Variants in SMPD3 observed in about 807,000 individuals in gnomAD.
SMPD3 encodes the protein nSMase-2.
In SMPD3, 21 loss-of-function variants were observed where a neutral mutation model predicts 55.7. The ratio of observed to expected loss-of-function variants is 0.38; its 90% CI spans 0.27 to 0.54. The LOEUF (loss-of-function observed/expected upper bound fraction) is 0.54. Ranked by LOEUF, SMPD3 falls within the 20% of genes least tolerant of loss-of-function variation. The pLI is 0.80. For synonymous variants in SMPD3, 457 were observed against 404.3 expected (o/e 1.13, Z -1.56); for missense variants, 842 against 899.6 (o/e 0.94, Z 0.82).
At chr16:68,365,236 G>GGGTCCGA in intron 3 of SMPD3, 144 bp from the exon 4 acceptor site, 2 of 764,174 alleles carry the variant, frequency 2.6e-6, no homozygotes, top group Non-Finnish European at 4.3e-6. Flanking sequence ...AGTAGGGACA[G>GGGTCCGA]GATGTGTCCT....
chr16:68,364,754 A>G lies in SMPD3; in HGVS notation c.1552T>C (p.Ser518Pro). ...GTGGGGAGGAGCCCGGCCTCACCAG[A>G]GGAGCAGTTATCAAAGTTGAAATCT... ...CGDFNFDNCS[S>P]DDKLEQQHSL... is the part of the protein sequence containing the mutation. Residue 518 changes from serine (S) to proline (P), a missense_variant, in exon 5 of 9, where the codon TCT becomes CCT. By Grantham distance (74) the Ser-to-Pro change is moderately conservative (BLOSUM62 -1). Around this residue, in one of 2 missense-constraint regions of SMPD3, gnomAD observed 649 missense variants for 643.6 expected, o/e 1.01. Coordinates refer to ENST00000219334, the MANE Select transcript of SMPD3 (RefSeq NM_018667.4). The G allele has an allele frequency of 6.2e-7, 1 of 1,612,874 alleles. No homozygotes were observed.
At chr16:68,367,007 C>CAAAA (rs35797796) in intron 3 of SMPD3, among the ~76,000 whole-genome samples, 12 of 129,512 alleles carry the variant, frequency 9.3e-5, no homozygotes, top group African/African-American at 3.1e-4. Flanking sequence ...GACTCTGTCT[C>CAAAA]AAAAAAAAAA....
intron 1 of SMPD3, among the ~76,000 whole-genome samples, chr16:68,421,512 G>C (rs1277009638): frequency 1.3e-5 from 2 of 152,200 alleles, no homozygotes; most frequent in Non-Finnish European, 2.9e-5. Flanking sequence ...ATGAGCCAGG[G>C]GGACAGACTT....
chr16:68,379,109 A>G (rs1357199534), intron 2 of SMPD3, among the ~76,000 whole-genome samples: 4 of 152,226 alleles, frequency 2.6e-5, no homozygotes, highest in Non-Finnish European at 5.9e-5. Context: ...ATGCGATTCT[A>G]TCAGGTCCTC....
At chr16:68,413,709 C>T (rs1041825823) in intron 1 of SMPD3, among the ~76,000 whole-genome samples, 1 of 152,290 alleles carries the variant, frequency 6.6e-6, no homozygotes, top group Middle Eastern at 3.4e-3. Flanking sequence ...TAATAATCCC[C>T]TCTCCACTCT....
In SMPD3 at chr16:68,360,349, A is replaced by T. The variant is rs77666316; in HGVS notation, c.*857T>A. 2 of 28,218 alleles carry T rather than the reference A, an allele frequency of 7.1e-5. No individual in the cohort carries two copies. Among genetic ancestry groups the T allele is most frequent in the Admixed American group, 8.7e-4 (2 of 2,298 alleles). The allele number at this position is 28,218 out of a possible 1,614,324, so 1.7% of individuals were successfully genotyped here. A position where few individuals can be genotyped will look rare whatever the true frequency, so the allele number is the denominator to read the frequency against. Reference sequence around the variant, plus strand: ...TATGCTGTGAGTCCCTTCTTCCTGTAAAAAAAAAAGTGGATACTCTCTTCT... The same window carrying T: ...TATGCTGTGAGTCCCTTCTTCCTGTTAAAAAAAAAGTGGATACTCTCTTCT... On this transcript the variant is annotated 3_prime_UTR_variant, in exon 9 of 9. Transcript: ENST00000219334.
At position 68,361,318 on chromosome 16, in the gene SMPD3, T is replaced by C. The variant is rs746727776; in HGVS notation, c.1867-11A>G. ...GAATTCTTCCACCTCCTGGGGTGAG[T>C]GGGAGAGGGGAGAAACAGCCTGGTC... On this transcript the variant is annotated splice_polypyrimidine_tract_variant and intron_variant, in intron 8 of 8. Transcript: ENST00000219334. 1 of 1,604,754 alleles carries C rather than the reference T, an allele frequency of 6.2e-7. No homozygotes were observed. Among genetic ancestry groups the C allele is most frequent in the Non-Finnish European group, 8.5e-7 (1 of 1,175,684 alleles).
intron 1 of SMPD3, among the ~76,000 whole-genome samples, chr16:68,403,072 G>A (rs762987218): frequency 1.2e-4 from 19 of 152,308 alleles, no homozygotes; most frequent in Non-Finnish European, 1.6e-4. Flanking sequence ...CTACAGTAAC[G>A]CTCTGATTTT....
At chr16:68,448,298 ACGCCTCGGTT>A (rs2090626153) in intron 1 of SMPD3, 45 bp downstream of exon 1, 1 of 152,294 alleles carries the variant, frequency 6.6e-6, no homozygotes, top group Admixed American at 6.6e-5. Flanking sequence ...CCAGCCCCTC[ACGCCTCGGTT>A]CGCCCGCTCC....
At chr16:68,407,617 G>A (rs2090264783) in intron 1 of SMPD3, among the ~76,000 whole-genome samples, 1 of 152,096 alleles carries the variant, frequency 6.6e-6, no homozygotes, top group South Asian at 2.1e-4. Context: ...TTACAGGTGT[G>A]AGCTACTACA....
At chr16:68,433,362 T>C (rs1347672104) in intron 1 of SMPD3, among the ~76,000 whole-genome samples, 1 of 152,224 alleles carries the variant, frequency 6.6e-6, no homozygotes. Flanking sequence ...TGCAGGCACA[T>C]CTACCTGCAT....
At chr16:68,361,461 C>T (rs2151968838) in intron 8 of SMPD3, 142 bp downstream of exon 8, 1 of 1,409,736 alleles carries the variant, frequency 7.1e-7, no homozygotes, top group African/African-American at 1.4e-5. Context: ...GACCTGGGGC[C>T]CTAAGGGTCT....
intron 1 of SMPD3, among the ~76,000 whole-genome samples, chr16:68,408,887 G>A (rs1235957342): frequency 6.6e-6 from 1 of 152,198 alleles, no homozygotes; most frequent in Non-Finnish European, 1.5e-5. Flanking sequence ...AAGGTGGGCA[G>A]TTATGAAGTG....
intron 6 of SMPD3, 62 bp downstream of exon 6, chr16:68,363,715 G>C: frequency 6.7e-7 from 1 of 1,498,044 alleles, no homozygotes; most frequent in Non-Finnish European, 9.0e-7. Flanking sequence ...AGGTCCTGGT[G>C]ATCTTTGAGG....
At chr16:68,366,774 T>C (rs766212246) in intron 3 of SMPD3, among the ~76,000 whole-genome samples, 1 of 151,426 alleles carries the variant, frequency 6.6e-6, no homozygotes, top group African/African-American at 2.4e-5. Flanking sequence ...TTTTGGGAGG[T>C]TGAGGCAGGC....
chr16:68,402,716 G>A (rs996831405), intron 1 of SMPD3, among the ~76,000 whole-genome samples: 1 of 152,178 alleles, frequency 6.6e-6, no homozygotes, highest in African/African-American at 2.4e-5. Context: ...AGGCAACAAG[G>A]TTCTACGGAA....
chr16:68,410,510 A>G (rs905166785), intron 1 of SMPD3, among the ~76,000 whole-genome samples: 1 of 152,158 alleles, frequency 6.6e-6, no homozygotes, highest in Non-Finnish European at 1.5e-5. Flanking sequence ...TATGTGCTAA[A>G]TCTGGCAACC....
At position 68,364,776 on chromosome 16, in the gene SMPD3, A is replaced by C. The variant is rs2089424758; in HGVS notation, c.1530T>G (p.Asp510Glu). The change falls in exon 5 of 9, where the codon GAT becomes GAG. Residue 510 changes from aspartate (D) to glutamate (E), a missense_variant. Physicochemically the swap from Asp to Glu is conservative, Grantham distance 45 (BLOSUM62 2). Transcript: ENST00000219334. ...CAGAGGAGCAGTTATCAAAGTTGAA[A>C]TCTCCACAGACGACGTCAAATGCCA... ...ELVAFDVVCGDFNFDNCSSDD... is the reference protein window; with the variant it reads ...ELVAFDVVCGEFNFDNCSSDD... The C allele has an allele frequency of 6.2e-7, 1 of 1,613,586 alleles. No homozygotes were observed. Among genetic ancestry groups the C allele is most frequent in the Non-Finnish European group, 8.5e-7 (1 of 1,179,954 alleles).
chr16:68,415,807 T>A (rs2090334466), intron 1 of SMPD3, among the ~76,000 whole-genome samples: 1 of 143,658 alleles, frequency 7.0e-6, no homozygotes, highest in African/African-American at 2.6e-5. Context: ...TCTTCAGCTT[T>A]TTTTTTTTTT....
Sources: allele counts gnomAD v4.1 joint callset (sites outside exome capture counted in the v4.1 genomes callset), GRCh38; gene constraint gnomAD v4.1.1; regional missense constraint gnomAD v4.1.1; transcripts MANE v1.5; gene names NCBI Gene and HGNC (gene_info 2026-07-23, HGNC 2026-07-21).